The following BPIFB3 variants were observed in gnomAD, a reference collection of about 807,000 sequenced individuals.
BPIFB3 encodes the protein BPI fold containing family B member 3, also known as BPI fold-containing family B member 3.
In BPIFB3, 49 loss-of-function variants were observed where a neutral mutation model predicts 53.1. The observed-to-expected ratio is 0.92, with a 90% CI of 0.73 to 1.17. The LOEUF (loss-of-function observed/expected upper bound fraction) is 1.17. Ranked by LOEUF, BPIFB3 falls within the 50% of genes most tolerant of loss-of-function variation. The pLI is 0.00. For synonymous variants in BPIFB3, 271 were observed against 269.6 expected, an observed-to-expected ratio of 1.01 and a Z score of -0.05; for missense variants, 628 against 592.5, an observed-to-expected ratio of 1.06 and a Z score of -0.62.
chr20:33,059,822 C>T, intron 3 of BPIFB3, 69 bp from the exon 5 acceptor site: 10 of 1,568,342 alleles, frequency 6.4e-6, no homozygotes, highest in Non-Finnish European at 8.6e-6. Flanking sequence ...CTGGCAGGGC[C>T]ACCCTGGTGG....
Position 33,072,098 on chromosome 20 carries a change from T to C in BPIFB3, c.1261-6T>C, listed in dbSNP as rs769820172. ...CACCCCCACCACCCTGTGTGTTCTG[T>C]TGCAGGGATCGCGTTTAGAAGAATG... On this transcript the variant is annotated splice_polypyrimidine_tract_variant and splice_region_variant and intron_variant, in intron 12 of 14. Coordinates refer to ENST00000375494, the Ensembl canonical transcript of BPIFB3. The C allele has an allele frequency of 6.2e-7, 1 of 1,614,100 alleles. No homozygotes were observed. The highest frequency in any genetic ancestry group is 8.5e-7 in the Non-Finnish European group (1 of 1,179,960).
exon 2 of BPIFB3, chr20:33,056,611 G>C: frequency 1.2e-6 from 2 of 1,613,714 alleles, no homozygotes; most frequent in South Asian, 2.2e-5. Context: ...GCTGTGAACC[G>C]GGGCCTCTTG....
chr20:33,066,770 G>C, intron 8 of BPIFB3, 54 bp from the exon 10 acceptor site: 2 of 1,558,910 alleles, frequency 1.3e-6, no homozygotes, highest in Non-Finnish European at 1.8e-6. Context: ...GTGTGCTGAG[G>C]GATTCCTGTT....
exon 3 of BPIFB3, chr20:33,059,414 G>A (rs980536003): frequency 6.2e-6 from 10 of 1,612,816 alleles, no homozygotes; most frequent in Middle Eastern, 1.7e-4. Context: ...CAAAGGTGTT[G>A]CTGAAGCTGC....
chr20:33,059,742 A>C, intron 3 of BPIFB3, 149 bp from the exon 5 acceptor site: 1 of 1,162,830 alleles, frequency 8.6e-7, no homozygotes, highest in Non-Finnish European at 1.2e-6. Context: ...GGGTCAGGGA[A>C]GAGGGTGCAG....
At chr20:33,061,607 G>T (rs947540728) in intron 4 of BPIFB3, among the ~76,000 whole-genome samples, 161 bp from the exon 6 acceptor site, 1 of 151,648 alleles carries the variant, frequency 6.6e-6, no homozygotes, top group Non-Finnish European at 1.5e-5. Flanking sequence ...CCCTCGGGAG[G>T]AGGAGCCAGG....
intron 6 of BPIFB3, 83 bp from the exon 8 acceptor site, chr20:33,064,374 G>A (rs1980576792): frequency 9.0e-7 from 1 of 1,113,744 alleles, no homozygotes. Flanking sequence ...GCATTCAGCA[G>A]ACACTCAATA....
chr20:33,063,921 C>T (rs562304853), intron 6 of BPIFB3, among the ~76,000 whole-genome samples: 1 of 152,294 alleles, frequency 6.6e-6, no homozygotes, highest in Admixed American at 6.5e-5. Flanking sequence ...CCAACACTTA[C>T]TGAGCACCTA....
At position 33,072,119 on chromosome 20, in the gene BPIFB3, G is replaced by A; in HGVS notation, c.1276G>A (p.Glu426Lys). The A allele has an allele frequency of 1.9e-6, 3 of 1,614,240 alleles. No homozygotes were observed. The African/African-American group carries it at 4.0e-5, about 22-fold the overall frequency. ...TCTGTTGCAGGGATCGCGTTTAGAA[G>A]AATGGCTCAGCCATGTGGTCGGGGC... Residue 426 changes from glutamate (E) to lysine (K), a missense_variant, in exon 13 of 15, where the codon GAA becomes AAA. Physicochemically the swap from Glu to Lys is moderately conservative, Grantham distance 56. Coordinates refer to ENST00000375494, the Ensembl canonical transcript of BPIFB3.
At chr20:33,057,051 A>G (rs1367417864) in intron 2 of BPIFB3, among the ~76,000 whole-genome samples, 3 of 152,226 alleles carry the variant, frequency 2.0e-5, no homozygotes, top group South Asian at 2.1e-4. Context: ...TCTTATCCCC[A>G]CCATACATTT....
chr20:33,068,896 G>A lies in BPIFB3; in HGVS notation c.1072G>A (p.Val358Ile), dbSNP rs751900205. The change falls in exon 10 of 15, where the codon GTC becomes ATC. Residue 358 changes from valine (V) to isoleucine (I), a missense_variant. Coordinates refer to ENST00000375494, the Ensembl canonical transcript of BPIFB3. ...CACACTCCACAACAAGAAGGCCTTG[G>A]TCTCCCTCCCAGCCAACATCCATGT... 1.2e-5 allele frequency: 19 copies of A among 1,613,932 alleles called. No homozygotes were observed. The South Asian group carries it at 2.0e-4, about 17-fold the overall frequency.
chr20:33,066,551 A>G lies in BPIFB3; in HGVS notation c.925-273A>G, dbSNP rs1980678610. The stretch of plus-strand genomic sequence containing the variant: ...CCTTGGCAACAGCCTCAGTGTCTCC[A>G]TCTGTTAAATGAGGGCAATGGTAGC... On this transcript the variant is annotated intron_variant, in intron 8 of 14. Transcript: ENST00000375494. Among the ~76,000 whole-genome samples, 3 of 152,146 alleles carry G rather than the reference A, an allele frequency of 2.0e-5. No individual in the cohort carries two copies. The South Asian group carries it at 6.2e-4, about 32-fold the overall frequency.
Position 33,066,729 on chromosome 20 carries a change from G to C in BPIFB3, c.925-95G>C, listed in dbSNP as rs949471329. 1.0e-5 allele frequency: 12 copies of C among 1,178,706 alleles called. No homozygotes were observed. In the African/African-American group the frequency reaches 1.4e-4, roughly 13 times the overall value. The allele number at this position is 1,178,706 out of a possible 1,614,324, so 73.0% of individuals were successfully genotyped here. A position where few individuals can be genotyped will look rare whatever the true frequency, so the allele number is the denominator to read the frequency against. On this transcript the variant is annotated intron_variant, in intron 8 of 14. Transcript: ENST00000375494. ...ATATATGTATGAAATTGGCAGGGTAGGGGGAAGAGTGGTGAACGAAACTGC... is the reference window on the plus strand; with the variant it reads ...ATATATGTATGAAATTGGCAGGGTACGGGGAAGAGTGGTGAACGAAACTGC...
intron 12 of BPIFB3, 46 bp downstream of exon 13, chr20:33,071,341 C>T (rs1980882995): frequency 1.9e-6 from 3 of 1,546,168 alleles, no homozygotes; most frequent in Non-Finnish European, 2.6e-6. Context: ...TGAGAGTCTT[C>T]AGGTGTGGCA....
intron 2 of BPIFB3, 121 bp downstream of exon 3, chr20:33,056,819 T>C: frequency 3.2e-6 from 4 of 1,258,194 alleles, no homozygotes; most frequent in Non-Finnish European, 4.3e-6. Flanking sequence ...AGGGTTGTGA[T>C]CCGGGTCTAA....
chr20:33,063,724 G>A (rs770286411), intron 6 of BPIFB3, 49 bp downstream of exon 7: 2 of 1,591,472 alleles, frequency 1.3e-6, no homozygotes, highest in South Asian at 2.2e-5. Flanking sequence ...ACCCGTCTCT[G>A]TATGACCCCA....
At chr20:33,061,149 A>T (rs571594501) in intron 4 of BPIFB3, among the ~76,000 whole-genome samples, 1 of 152,286 alleles carries the variant, frequency 6.6e-6, no homozygotes, top group South Asian at 2.1e-4. Context: ...GAACAGGGTA[A>T]CTGGGTTGCT....
chr20:33,061,734 G>T, intron 4 of BPIFB3, 34 bp from the exon 6 acceptor site: 2 of 1,608,626 alleles, frequency 1.2e-6, no homozygotes, highest in Non-Finnish European at 1.7e-6. Flanking sequence ...CGTCCACCTG[G>T]CAGCCGCACC....
chr20:33,065,921 C>A (rs1407378786), intron 8 of BPIFB3, among the ~76,000 whole-genome samples: 3 of 152,152 alleles, frequency 2.0e-5, no homozygotes, highest in African/African-American at 4.8e-5. Flanking sequence ...TGTCTTCCAG[C>A]TGGGGGATGG....
Sources: gnomAD v4.1 joint callset for allele counts (sites outside exome capture counted in the v4.1 genomes callset) on GRCh38, gnomAD v4.1.1 for gene constraint, MANE v1.5 for transcripts, NCBI Gene and HGNC (gene_info 2026-07-23, HGNC 2026-07-21) for gene names.